CNTNAP4: variants seen among roughly 807,000 people sequenced by gnomAD.
The protein encoded by CNTNAP4 is contactin-associated protein-like 4.
A neutral mutation model predicts 148.4 loss-of-function variants in CNTNAP4; 98 were observed. The ratio of observed to expected loss-of-function variants is 0.66; its 90% confidence interval spans 0.56 to 0.78. The LOEUF is 0.78. Among genes scored for constraint, CNTNAP4 ranks in the 30% least tolerant of loss-of-function variants. The pLI is 0.00. For missense variants in CNTNAP4, 1,935 were observed against 1,565.6 expected, an observed-to-expected ratio of 1.24 and a Z score of -3.98; for synonymous variants, 730 against 565.1, an observed-to-expected ratio of 1.29 and a Z score of -4.14.
chr16:76,388,627 T>A (rs1481261736), intron 3 of CNTNAP4, among the ~76,000 whole-genome samples: 1 of 152,240 alleles, frequency 6.6e-6, no homozygotes, highest in African/African-American at 2.4e-5. Context: ...ATGCATAATG[T>A]CTGATATATA....
intron 21 of CNTNAP4, among the ~76,000 whole-genome samples, chr16:76,541,369 C>T (rs1003991290): frequency 2.1e-4 from 32 of 152,096 alleles, no homozygotes; most frequent in Non-Finnish European, 2.8e-4. Flanking sequence ...TGCACTGTTG[C>T]CATTTTAACA....
chr16:76,514,395 A>C (rs865797511), intron 15 of CNTNAP4, among the ~76,000 whole-genome samples: 1 of 152,230 alleles, frequency 6.6e-6, no homozygotes, highest in Non-Finnish European at 1.5e-5. Flanking sequence ...ACACAAGTCT[A>C]TTTCTTTGCT....
At position 76,539,653 on chromosome 16, in the gene CNTNAP4, TTTTTAAG is replaced by T. The variant is rs141653641; in HGVS notation, c.3221-64_3221-58del. ...AAATAGCAACAAAAAATCACTCTGA[TTTTTAAG>T]TAAGCCGCTCTCAAAGTACGATTTT... On this transcript the variant is annotated intron_variant, in intron 19 of 23. Coordinates refer to ENST00000611870, the MANE Select transcript of CNTNAP4 (RefSeq NM_033401.5). 563 of 1,364,032 alleles carry T rather than the reference TTTTTAAG, an allele frequency of 4.1e-4. 1 individual carries two copies. The African/African-American group carries it at 7.5e-3, about 18-fold the overall frequency. The allele number at this position is 1,364,032 out of a possible 1,614,324, so 84.5% of individuals were successfully genotyped here.
chr16:76,358,207 G>A (rs1357372616), intron 3 of CNTNAP4, among the ~76,000 whole-genome samples: 6 of 152,104 alleles, frequency 3.9e-5, no homozygotes, highest in Non-Finnish European at 8.8e-5. Flanking sequence ...ATGGTGACAT[G>A]TGCCTATAAT....
intron 8 of CNTNAP4, among the ~76,000 whole-genome samples, chr16:76,458,683 C>A (rs1021816480): frequency 6.6e-6 from 1 of 152,146 alleles, no homozygotes; most frequent in Non-Finnish European, 1.5e-5. Flanking sequence ...ATAGGAGCAG[C>A]TGTAAATACA....
chr16:76,404,779 T>C (rs957834307), intron 3 of CNTNAP4, among the ~76,000 whole-genome samples: 12 of 152,176 alleles, frequency 7.9e-5, no homozygotes, highest in African/African-American at 2.7e-4. Flanking sequence ...ATCTTCAAAA[T>C]TTATGATAAT....
intron 4 of CNTNAP4, among the ~76,000 whole-genome samples, chr16:76,435,020 C>A (rs961770125): frequency 6.6e-6 from 1 of 152,186 alleles, no homozygotes; most frequent in South Asian, 2.1e-4. Context: ...TTTTCCTTTC[C>A]CCAGTGCACA....
At chr16:76,553,682 G>A (rs555503162) in intron 22 of CNTNAP4, among the ~76,000 whole-genome samples, 154 bp from the exon 23 acceptor site, 1 of 152,122 alleles carries the variant, frequency 6.6e-6, no homozygotes, top group Admixed American at 6.5e-5. Context: ...TATTTATGGG[G>A]GTCATTGCCA....
At chr16:76,479,128 C>T (rs1293058764) in intron 11 of CNTNAP4, among the ~76,000 whole-genome samples, 1 of 151,990 alleles carries the variant, frequency 6.6e-6, no homozygotes, top group Non-Finnish European at 1.5e-5. Flanking sequence ...CTTCTCTTTC[C>T]TTGTTCTTCA....
At chr16:76,391,868 G>A (rs915420177) in intron 3 of CNTNAP4, among the ~76,000 whole-genome samples, 12 of 152,090 alleles carry the variant, frequency 7.9e-5, no homozygotes, top group African/African-American at 2.9e-4. Context: ...ACGATCCCTG[G>A]GTAATTCACG....
chr16:76,520,432 C>T (rs1447230773), intron 15 of CNTNAP4, among the ~76,000 whole-genome samples: 3 of 151,940 alleles, frequency 2.0e-5, no homozygotes, highest in Non-Finnish European at 4.4e-5. Flanking sequence ...AATTTATATC[C>T]CAACCTTTTC....
chr16:76,553,079 T>G (rs1179810132), intron 21 of CNTNAP4, among the ~76,000 whole-genome samples: 1 of 152,204 alleles, frequency 6.6e-6, no homozygotes, highest in East Asian at 1.9e-4. Context: ...AATCCATGCT[T>G]AAAAACTTGA....
At chr16:76,355,864 A>G (rs1476824300) in intron 3 of CNTNAP4, among the ~76,000 whole-genome samples, 1 of 149,032 alleles carries the variant, frequency 6.7e-6, no homozygotes, top group East Asian at 2.0e-4. Context: ...TTATTTATTT[A>G]TTTATTTATT....
intron 1 of CNTNAP4, among the ~76,000 whole-genome samples, chr16:76,280,827 C>T (rs1485998754): frequency 6.6e-6 from 1 of 151,958 alleles, no homozygotes; most frequent in Non-Finnish European, 1.5e-5. Flanking sequence ...TCTTATAAAT[C>T]CAGTTTTTGA....
intron 8 of CNTNAP4, among the ~76,000 whole-genome samples, chr16:76,456,452 G>A (rs2080734805): frequency 6.6e-6 from 1 of 152,238 alleles, no homozygotes. Context: ...TCATTCATAA[G>A]TATCAGGAGA....
At chr16:76,420,157 G>A (rs2079125840) in intron 3 of CNTNAP4, among the ~76,000 whole-genome samples, 1 of 75,600 alleles carries the variant, frequency 1.3e-5, no homozygotes, top group Non-Finnish European at 3.7e-5. Context: ...GGTACTGTGT[G>A]TGTGTGTATA....
chr16:76,560,059 A>G lies in CNTNAP4; in HGVS notation c.*1376A>G, dbSNP rs750598727. Among the ~76,000 whole-genome samples the G allele has an allele frequency of 2.5e-4, 38 of 152,174 alleles. No homozygotes were observed. The highest frequency in any genetic ancestry group is 2.1e-4 in the South Asian group (1 of 4,830). The stretch of plus-strand genomic sequence containing the variant: ...CTAGGAGATCAAAGAATGATCAATA[A>G]CCTTATGGAACTGTTACAATAATTA... On this transcript the variant is annotated 3_prime_UTR_variant, in exon 24 of 24. Coordinates refer to ENST00000611870, the MANE Select transcript of CNTNAP4 (RefSeq NM_033401.5).
In CNTNAP4 at chr16:76,384,181, T is replaced by G. The variant is rs190721073; in HGVS notation, c.390+28670T>G. On this transcript the variant is annotated intron_variant, in intron 3 of 23. Transcript: ENST00000611870. ...GCCTCAGCCTCCTGAGTAGCTGGGA[T>G]TACAGGCATGCACCACCATGCCTGG... is the stretch of plus-strand genomic sequence containing the variant. Among the ~76,000 whole-genome samples the G allele has an allele frequency of 8.4e-4, 127 of 152,042 alleles. No individual in the cohort carries two copies. In the East Asian group the frequency reaches 0.02, roughly 24 times the overall value.
At chr16:76,361,149 A>G in intron 3 of CNTNAP4, among the ~76,000 whole-genome samples, 1 of 152,030 alleles carries the variant, frequency 6.6e-6, no homozygotes. Flanking sequence ...GTTAAAAAAA[A>G]ACTTAACATG....
Sources: allele counts gnomAD v4.1 joint callset (sites outside exome capture counted in the v4.1 genomes callset), GRCh38; gene constraint gnomAD v4.1.1; transcripts MANE v1.5; gene names NCBI Gene and HGNC (gene_info 2026-07-23, HGNC 2026-07-21).